LRRC4C: variants seen among roughly 807,000 people sequenced by gnomAD.
LRRC4C encodes leucine-rich repeat-containing protein 4C.
A neutral mutation model predicts 33.6 loss-of-function variants in LRRC4C; 5 were observed. The ratio of observed to expected loss-of-function variants is 0.15; its 90% CI spans 0.08 to 0.31. The LOEUF is 0.31. LRRC4C is among the 10% of genes least tolerant of loss of function. The probability of loss-of-function intolerance (pLI) is 1.00; values close to 1 mark genes in which losing one functional copy is unlikely to be tolerated. For synonymous variants in LRRC4C, 329 were observed against 302.0 expected (o/e 1.09, Z -0.93); for missense variants, 560 against 796.7 (o/e 0.70, Z 3.58).
intron 1 of LRRC4C, among the ~76,000 whole-genome samples, chr11:41,038,773 C>T (rs1170818844): frequency 2.6e-5 from 4 of 152,046 alleles, no homozygotes; most frequent in African/African-American, 9.7e-5. Context: ...ATCTCATCCC[C>T]CTAAAGTGTT....
chr11:41,188,714 A>G (rs1461543635), intron 1 of LRRC4C, among the ~76,000 whole-genome samples: 1 of 151,918 alleles, frequency 6.6e-6, no homozygotes, highest in Non-Finnish European at 1.5e-5. Flanking sequence ...GCAAAAAAAA[A>G]AAAAAAAAGA....
At chr11:40,395,230 G>T (rs916054326) in intron 3 of LRRC4C, among the ~76,000 whole-genome samples, 1 of 152,100 alleles carries the variant, frequency 6.6e-6, no homozygotes, top group Non-Finnish European at 1.5e-5. Flanking sequence ...CTGACTTCCT[G>T]TGCATAGGTA....
chr11:40,351,559 C>CTCTA (rs1947387225), intron 3 of LRRC4C: 2 of 151,988 alleles, frequency 1.3e-5, no homozygotes, highest in African/African-American at 4.8e-5. Flanking sequence ...CTAATATTTG[C>CTCTA]TTTAGACTAG....
intron 1 of LRRC4C, among the ~76,000 whole-genome samples, chr11:41,111,242 A>G (rs144849025): frequency 6.6e-6 from 1 of 152,222 alleles, no homozygotes; most frequent in East Asian, 1.9e-4. Context: ...AAGCCCCTAC[A>G]TACTCTTTAC....
chr11:40,793,137 A>T (rs1950693157), intron 2 of LRRC4C, among the ~76,000 whole-genome samples: 2 of 152,110 alleles, frequency 1.3e-5, no homozygotes, highest in Non-Finnish European at 2.9e-5. Flanking sequence ...AAAGTATAAT[A>T]AAAAAATTAA....
At chr11:40,937,603 A>G (rs370709889) in intron 1 of LRRC4C, among the ~76,000 whole-genome samples, 2,630 of 135,986 alleles carry the variant, frequency 0.019, 69 homozygotes, top group African/African-American at 0.064. Context: ...GTGTGTGTAT[A>G]TGTGTGTGTG....
At chr11:40,310,012 T>C (rs1313516320) in intron 4 of LRRC4C, among the ~76,000 whole-genome samples, 1 of 152,130 alleles carries the variant, frequency 6.6e-6, no homozygotes, top group African/African-American at 2.4e-5. Flanking sequence ...CAACCTAATG[T>C]AGAAGAAAGT....
At chr11:40,513,069 G>A (rs1955398838) in intron 3 of LRRC4C, among the ~76,000 whole-genome samples, 1 of 151,754 alleles carries the variant, frequency 6.6e-6, no homozygotes, top group Non-Finnish European at 1.5e-5. Flanking sequence ...CTAACACGGT[G>A]AAACCCCGTC....
At chr11:41,024,140 C>CT (rs1856179867) in intron 1 of LRRC4C, among the ~76,000 whole-genome samples, 1 of 151,582 alleles carries the variant, frequency 6.6e-6, no homozygotes, top group Non-Finnish European at 1.5e-5. Flanking sequence ...AATTTCTTAT[C>CT]TAAGTGTAGA....
At chr11:41,412,189 C>T (rs1200027381) in intron 1 of LRRC4C, among the ~76,000 whole-genome samples, 2 of 152,150 alleles carry the variant, frequency 1.3e-5, no homozygotes, top group African/African-American at 4.8e-5. Context: ...CCCACCAGCA[C>T]TATGACCCCC....
intron 3 of LRRC4C, among the ~76,000 whole-genome samples, chr11:40,341,526 G>T: frequency 6.6e-6 from 1 of 151,392 alleles, no homozygotes; most frequent in East Asian, 1.9e-4. Context: ...ATCACACACT[G>T]GGGCCTGTTG....
intron 5 of LRRC4C, among the ~76,000 whole-genome samples, chr11:40,194,463 C>G (rs546372387): frequency 6.6e-6 from 1 of 152,236 alleles, no homozygotes; most frequent in Admixed American, 6.5e-5. Context: ...AGTTCATGTC[C>G]TTTACAGGGA....
At chr11:41,206,467 G>A (rs1050481255) in intron 1 of LRRC4C, among the ~76,000 whole-genome samples, 6 of 152,140 alleles carry the variant, frequency 3.9e-5, no homozygotes, top group African/African-American at 1.4e-4. Context: ...GGCTCTTGCA[G>A]CATCCTCTGA....
intron 1 of LRRC4C, among the ~76,000 whole-genome samples, chr11:41,216,321 T>G (rs2136348895): frequency 6.6e-6 from 1 of 152,268 alleles, no homozygotes; most frequent in African/African-American, 2.4e-5. Flanking sequence ...CAATCAACAT[T>G]AACTTTGCAT....
intron 2 of LRRC4C, among the ~76,000 whole-genome samples, chr11:40,737,500 T>G (rs1272309932): frequency 6.6e-6 from 1 of 152,116 alleles, no homozygotes; most frequent in Non-Finnish European, 1.5e-5. Context: ...CTCCTTAAGC[T>G]GATAAGCAAC....
chr11:40,240,418 A>G (rs940294934), intron 5 of LRRC4C, among the ~76,000 whole-genome samples: 1 of 152,050 alleles, frequency 6.6e-6, no homozygotes, highest in African/African-American at 2.4e-5. Context: ...CAACACTCCA[A>G]CCTCAGGATT....
intron 4 of LRRC4C, among the ~76,000 whole-genome samples, chr11:40,301,453 G>T (rs1385470845): frequency 6.6e-6 from 1 of 152,222 alleles, no homozygotes; most frequent in African/African-American, 2.4e-5. Context: ...TTAGGAGATG[G>T]TGTGAATCCA....
At chr11:40,572,266 A>C (rs1958012080) in intron 3 of LRRC4C, among the ~76,000 whole-genome samples, 1 of 152,206 alleles carries the variant, frequency 6.6e-6, no homozygotes, top group African/African-American at 2.4e-5. Context: ...CCTGGGATAG[A>C]TACTAAGGTC....
chr11:40,930,622 G>A (rs1380750245), intron 2 of LRRC4C, among the ~76,000 whole-genome samples: 1 of 152,138 alleles, frequency 6.6e-6, no homozygotes, highest in Admixed American at 6.6e-5. Flanking sequence ...CCATCTTAAA[G>A]TGATTCTCTA....
Sources: gnomAD v4.1 joint callset for allele counts (sites outside exome capture counted in the v4.1 genomes callset) on GRCh38, gnomAD v4.1.1 for gene constraint, MANE v1.5 for transcripts, NCBI Gene and HGNC (gene_info 2026-07-23, HGNC 2026-07-21) for gene names.